The following SEC63 variants were observed in gnomAD, a reference collection of about 807,000 sequenced individuals.
SEC63 encodes the protein translocation protein SEC63 homolog.
Under a neutral mutation model 116.2 loss-of-function variants are expected in SEC63, and 56 were observed. The observed-to-expected ratio is 0.48, with a 90% confidence interval of 0.39 to 0.60. SEC63 has a LOEUF of 0.60. Among genes scored for constraint, SEC63 ranks in the 20% least tolerant of loss-of-function variants. The probability of loss-of-function intolerance (pLI) is 0.00; values close to 1 mark genes in which losing one functional copy is unlikely to be tolerated. For synonymous variants in SEC63, 273 were observed against 294.6 expected, an observed-to-expected ratio of 0.93 and a Z score of 0.75; for missense variants, 668 against 900.0, an observed-to-expected ratio of 0.74 and a Z score of 3.30.
rs771950898 is a variant in SEC63 at position 107,921,937 on chromosome 6, G to C, written c.340-28C>G. ...GGGGAAAAACAAAAAAAAAAAACAA[G>C]CTTTCTGTTAGCAAAAATAAGCACA... On this transcript the variant is annotated intron_variant, in intron 3 of 20. Transcript: ENST00000369002. The C allele has an allele frequency of 3.4e-4, 435 of 1,295,030 alleles. 4 individuals are homozygous for C. The highest frequency in any genetic ancestry group is 4.7e-4 in the Non-Finnish European group (421 of 904,232). 80.2% of individuals were successfully genotyped at this position (1,295,030 alleles called of 1,614,324 possible). A position where few individuals can be genotyped will look rare whatever the true frequency, so the allele number is the denominator to read the frequency against.
intron 1 of SEC63, among the ~76,000 whole-genome samples, chr6:107,938,197 T>A (rs1255556043): frequency 1.3e-5 from 2 of 151,788 alleles, no homozygotes; most frequent in Non-Finnish European, 2.9e-5. Context: ...TCATTCTACT[T>A]CTCCCACATA....
intron 4 of SEC63, among the ~76,000 whole-genome samples, chr6:107,916,336 T>A (rs1157237185): frequency 6.6e-6 from 1 of 152,214 alleles, no homozygotes; most frequent in Non-Finnish European, 1.5e-5. Flanking sequence ...AGTACACACT[T>A]CAAAAGTCCT....
chr6:107,880,519 G>A (rs1194931527), intron 18 of SEC63, among the ~76,000 whole-genome samples: 3 of 152,216 alleles, frequency 2.0e-5, no homozygotes, highest in African/African-American at 7.2e-5. Context: ...TGAGCAGGCT[G>A]CAATTACAAA....
chr6:107,936,699 C>G (rs1770253884), intron 1 of SEC63, among the ~76,000 whole-genome samples: 1 of 152,196 alleles, frequency 6.6e-6, no homozygotes, highest in Non-Finnish European at 1.5e-5. Context: ...GCTTCATAAA[C>G]CACATAGTGC....
At chr6:107,930,462 C>G (rs1787775584) in intron 1 of SEC63, among the ~76,000 whole-genome samples, 1 of 151,450 alleles carries the variant, frequency 6.6e-6, no homozygotes, top group Non-Finnish European at 1.5e-5. Context: ...ACAAAATTAG[C>G]CAGGCGTGGT....
intron 4 of SEC63, among the ~76,000 whole-genome samples, chr6:107,919,646 C>T (rs142119753): frequency 6.6e-6 from 1 of 151,706 alleles, no homozygotes; most frequent in Non-Finnish European, 1.5e-5. Context: ...CGTGGTGAAA[C>T]CCCATCTCTA....
At chr6:107,942,567 C>T (rs1770400257) in intron 1 of SEC63, among the ~76,000 whole-genome samples, 1 of 152,142 alleles carries the variant, frequency 6.6e-6, no homozygotes, top group Non-Finnish European at 1.5e-5. Flanking sequence ...AAGACCATAG[C>T]AATAAACAAA....
chr6:107,874,421 C>G (rs748084765), intron 19 of SEC63, among the ~76,000 whole-genome samples: 2 of 151,820 alleles, frequency 1.3e-5, no homozygotes, highest in Non-Finnish European at 2.9e-5. Context: ...AGTGAAACCC[C>G]GTCTCTACTA....
intron 1 of SEC63, among the ~76,000 whole-genome samples, chr6:107,929,783 C>A (rs1787757905): frequency 6.6e-6 from 1 of 152,132 alleles, no homozygotes; most frequent in South Asian, 2.1e-4. Context: ...CTGACTTGCA[C>A]CCAAAATATT....
At chr6:107,926,152 T>C (rs1447070914) in intron 2 of SEC63, among the ~76,000 whole-genome samples, 1 of 152,126 alleles carries the variant, frequency 6.6e-6, no homozygotes, top group African/African-American at 2.4e-5. Context: ...ACTAAAAATA[T>C]TTGCTGTGGA....
In SEC63 at chr6:107,911,144, T is replaced by C. The variant is rs1429849570; in HGVS notation, c.624+202A>G. 1.4e-5 allele frequency: 8 copies of C among 587,372 alleles called. No homozygotes were observed. In the East Asian group the frequency reaches 2.3e-4, roughly 17 times the overall value. 36.4% of individuals were successfully genotyped at this position (587,372 alleles called of 1,614,324 possible). On this transcript the variant is annotated intron_variant, in intron 7 of 20. Coordinates refer to ENST00000369002, the MANE Select transcript of SEC63 (RefSeq NM_007214.5). ...TCTCACTCTGTGGCCCAGGCTGGAGTGCAGAGGTGGGGTCATGGCTCACCG... is the reference window on the plus strand; with the variant it reads ...TCTCACTCTGTGGCCCAGGCTGGAGCGCAGAGGTGGGGTCATGGCTCACCG...
intron 19 of SEC63, among the ~76,000 whole-genome samples, chr6:107,874,411 A>T (rs186314817): frequency 2.0e-5 from 3 of 152,098 alleles, no homozygotes; most frequent in South Asian, 4.1e-4. Context: ...TGGCTAACAC[A>T]GTGAAACCCC....
At chr6:107,928,758 C>G in intron 2 of SEC63, among the ~76,000 whole-genome samples, 1 of 152,268 alleles carries the variant, frequency 6.6e-6, no homozygotes, top group East Asian at 1.9e-4. Flanking sequence ...AAACTGATGA[C>G]GCAGGATAAA....
intron 1 of SEC63, among the ~76,000 whole-genome samples, chr6:107,935,348 A>AG (rs955247293): frequency 1.3e-5 from 2 of 151,672 alleles, no homozygotes; most frequent in East Asian, 1.9e-4. Flanking sequence ...TGGAATAGAA[A>AG]GGGGGGAAAG....
chr6:107,896,895 C>A (rs1193125151), intron 14 of SEC63, among the ~76,000 whole-genome samples: 1 of 151,760 alleles, frequency 6.6e-6, no homozygotes, highest in Non-Finnish European at 1.5e-5. Flanking sequence ...AGGAGAATCA[C>A]TTGAACCCAG....
chr6:107,884,447 AAT>A (rs1453491516), intron 16 of SEC63, among the ~76,000 whole-genome samples: 1 of 152,138 alleles, frequency 6.6e-6, no homozygotes, highest in African/African-American at 2.4e-5. Context: ...AATTATGAAT[AAT>A]GTTACGCCAA....
chr6:107,939,648 G>T (rs544180285), intron 1 of SEC63, among the ~76,000 whole-genome samples: 1 of 152,186 alleles, frequency 6.6e-6, no homozygotes, highest in African/African-American at 2.4e-5. Context: ...GGATGCTGAA[G>T]CAGGAGAACC....
rs149873912 is a variant in SEC63 at position 107,896,841 on chromosome 6, T to C, written c.1440+808A>G. 2.6e-4 allele frequency among the ~76,000 whole-genome samples: 40 copies of C among 151,926 alleles called. 1 individual carries two copies. In the East Asian group the frequency reaches 7.2e-3, roughly 27 times the overall value. Reference sequence around the variant, plus strand: ...TAAAAACACAAAAATTAGCCAGGTGTGGTGGCGTGTGCCTGTAATCCCAGC... The same window carrying C: ...TAAAAACACAAAAATTAGCCAGGTGCGGTGGCGTGTGCCTGTAATCCCAGC... On this transcript the variant is annotated intron_variant, in intron 14 of 20. Coordinates refer to ENST00000369002, the MANE Select transcript of SEC63 (RefSeq NM_007214.5).
At chr6:107,905,418 C>T (rs1169310520) in intron 10 of SEC63, among the ~76,000 whole-genome samples, 4 of 152,166 alleles carry the variant, frequency 2.6e-5, no homozygotes, top group Non-Finnish European at 4.4e-5. Context: ...CATTTAACTG[C>T]ATTACTGCCT....
Sources: allele counts gnomAD v4.1 joint callset (sites outside exome capture counted in the v4.1 genomes callset), GRCh38; gene constraint gnomAD v4.1.1; transcripts MANE v1.5; gene names NCBI Gene and HGNC (gene_info 2026-07-23, HGNC 2026-07-21).